The following HMGN5 variants were observed in gnomAD, a reference collection of about 807,000 sequenced individuals.
HMGN5 encodes the protein high mobility group nucleosome binding domain 5.
In HMGN5, 4 loss-of-function variants were observed where a neutral mutation model predicts 9.5. That is an observed-to-expected ratio of 0.42 (90% CI 0.21 to 0.96). The LOEUF (loss-of-function observed/expected upper bound fraction) is 0.96, where lower values mean the gene tolerates loss of function less well. Among genes scored for constraint, HMGN5 ranks in the 40% least tolerant of loss-of-function variants. The pLI is 0.30. For missense variants in HMGN5, 192 were observed against 187.5 expected (o/e 1.02, Z -0.14); for synonymous variants, 55 against 57.1 (o/e 0.96, Z 0.16).
At chrX:81,179,916 G>C (rs1219632845) in intron 1 of HMGN5, among the ~76,000 whole-genome samples, 2 of 111,508 alleles carry the variant, frequency 1.8e-5, no homozygotes, top group Non-Finnish European at 3.8e-5. Context: ...ACAACCATCT[G>C]ATCTTTGACA....
At chrX:81,119,127 C>T (rs2075262004) in intron 3 of HMGN5, among the ~76,000 whole-genome samples, 1 of 111,330 alleles carries the variant, frequency 9.0e-6, no homozygotes, top group Admixed American at 9.5e-5. Flanking sequence ...GTCTTAAATT[C>T]GAAGAAGCTT....
intron 1 of HMGN5, among the ~76,000 whole-genome samples, chrX:81,167,846 G>A (rs948373651): frequency 6.3e-5 from 7 of 111,613 alleles, no homozygotes; most frequent in Non-Finnish European, 1.1e-4. Context: ...TATTAAAAAA[G>A]AAAAGACCCT....
chrX:81,147,318 C>T (rs1275236498), intron 1 of HMGN5, among the ~76,000 whole-genome samples: 1 of 111,589 alleles, frequency 9.0e-6, no homozygotes, highest in Non-Finnish European at 1.9e-5. Context: ...TGGCTTCATC[C>T]CTGGGAGGCA....
At chrX:81,124,127 C>T (rs1481294680) in intron 1 of HMGN5, among the ~76,000 whole-genome samples, 1 of 112,085 alleles carries the variant, frequency 8.9e-6, no homozygotes, top group African/African-American at 3.2e-5. Context: ...GTTTTTTCTT[C>T]TTGAAGGCTA....
In HMGN5 at chrX:81,135,717, G is replaced by A. The variant is rs987158573; in HGVS notation, c.-123-14045C>T. Reference sequence around the variant, plus strand: ...GGGGGAATGAAGAGTAACTGCTAATGGATATGGGATTTATTTCTAGAGGGA... The same window carrying A: ...GGGGGAATGAAGAGTAACTGCTAATAGATATGGGATTTATTTCTAGAGGGA... On this transcript the variant is annotated intron_variant, in intron 1 of 6. Transcript: ENST00000358130. 1.2e-4 allele frequency among the ~76,000 whole-genome samples: 13 copies of A among 110,443 alleles called. No individual in the cohort carries two copies. The Admixed American group carries it at 1.3e-3, about 11-fold the overall frequency.
intron 1 of HMGN5, among the ~76,000 whole-genome samples, chrX:81,142,556 G>C (rs1445805913): frequency 9.0e-6 from 1 of 111,509 alleles, no homozygotes; most frequent in Non-Finnish European, 1.9e-5. Flanking sequence ...CATGCCAGGA[G>C]AGATTGACAT....
At chrX:81,132,489 A>C (rs1035003974) in intron 1 of HMGN5, among the ~76,000 whole-genome samples, 1 of 111,774 alleles carries the variant, frequency 8.9e-6, no homozygotes, top group African/African-American at 3.2e-5. Flanking sequence ...ACCAAACAGC[A>C]TGGTACTGGC....
intron 1 of HMGN5, among the ~76,000 whole-genome samples, chrX:81,137,121 T>C (rs190384467): frequency 1.8e-5 from 2 of 111,455 alleles, no homozygotes; most frequent in Admixed American, 1.9e-4. Context: ...GCTATACTTG[T>C]GGATCTGTAT....
rs146765985 is a variant in HMGN5, at chrX:81,164,996, A to T, written c.-124+36741T>A. ...GTGTCTGGCATATGAGAGGTGCTTA[A>T]TGTGAAATTTTATTGAATGATTAAA... is the stretch of plus-strand genomic sequence containing the variant. On this transcript the variant is annotated intron_variant, in intron 1 of 6. Coordinates refer to ENST00000358130, the MANE Select transcript of HMGN5 (RefSeq NM_030763.3). Among the ~76,000 whole-genome samples the T allele has an allele frequency of 3.2e-3, 353 of 111,502 alleles. 3 individuals carry two copies. Among genetic ancestry groups the T allele is most frequent in the African/African-American group, 0.01 (322 of 30,728 alleles).
chrX:81,176,835 G>C (rs975571955), intron 1 of HMGN5, among the ~76,000 whole-genome samples: 1 of 111,635 alleles, frequency 9.0e-6, no homozygotes, highest in African/African-American at 3.3e-5. Flanking sequence ...CAGGGAGAAT[G>C]GGACCAAGTT....
Position 81,153,623 on chromosome X carries a change from A to C in HMGN5, c.-123-31951T>G, listed in dbSNP as rs1169929248. Among the ~76,000 whole-genome samples, 15 of 48,557 alleles carry C rather than the reference A, an allele frequency of 3.1e-4. 1 individual carries two copies. Among genetic ancestry groups the C allele is most frequent in the South Asian group, 2.9e-3 (2 of 694 alleles). The allele number at this position is 48,557 out of a possible 115,157, so 42.2% of individuals were successfully genotyped here. On this transcript the variant is annotated intron_variant, in intron 1 of 6. Transcript: ENST00000358130. Reference sequence around the variant, plus strand: ...TATATATATATATATATATATATATATATATATATATATATATGTATCTCC... The same window carrying C: ...TATATATATATATATATATATATATCTATATATATATATATATGTATCTCC...
intron 1 of HMGN5, among the ~76,000 whole-genome samples, chrX:81,131,369 T>C (rs1395561017): frequency 3.6e-5 from 4 of 111,541 alleles, no homozygotes; most frequent in Non-Finnish European, 5.7e-5. Flanking sequence ...TTCGTTTTTC[T>C]TTCTTGACTA....
intron 1 of HMGN5, among the ~76,000 whole-genome samples, chrX:81,130,050 G>A (rs978370563): frequency 1.8e-5 from 2 of 111,618 alleles, no homozygotes; most frequent in Non-Finnish European, 1.9e-5. Flanking sequence ...CACCAGGAAA[G>A]TATGAATTAG....
intron 1 of HMGN5, among the ~76,000 whole-genome samples, chrX:81,169,026 T>A (rs780453588): frequency 9.1e-4 from 102 of 111,484 alleles, no homozygotes; most frequent in African/African-American, 3.3e-3. Flanking sequence ...TGGACAGTGG[T>A]CTTTGAACAT....
chrX:81,168,061 A>G (rs1358468612), intron 1 of HMGN5, among the ~76,000 whole-genome samples: 3 of 112,254 alleles, frequency 2.7e-5, no homozygotes, highest in African/African-American at 9.7e-5. Flanking sequence ...TTGTGGGAGC[A>G]GACTCTTGGA....
chrX:81,139,019 C>T (rs2147552224), intron 1 of HMGN5, among the ~76,000 whole-genome samples: 1 of 111,727 alleles, frequency 9.0e-6, no homozygotes, highest in South Asian at 3.7e-4. Flanking sequence ...ATGAAAAACT[C>T]AGTATATAAA....
intron 1 of HMGN5, among the ~76,000 whole-genome samples, chrX:81,134,102 G>C (rs1216570740): frequency 9.0e-6 from 1 of 111,347 alleles, no homozygotes; most frequent in East Asian, 2.8e-4. Flanking sequence ...CAAAAAAAGA[G>C]TGACACTAGA....
intron 1 of HMGN5, among the ~76,000 whole-genome samples, chrX:81,147,241 T>C (rs1274243970): frequency 1.8e-5 from 2 of 111,137 alleles, no homozygotes; most frequent in Non-Finnish European, 1.9e-5. Context: ...AATGCAAAAA[T>C]CCTCAATAAA....
At chrX:81,156,996 T>C (rs1367113426) in intron 1 of HMGN5, among the ~76,000 whole-genome samples, 1 of 111,861 alleles carries the variant, frequency 8.9e-6, no homozygotes, top group Non-Finnish European at 1.9e-5. Flanking sequence ...CATGAGAACC[T>C]CCATGAATTT....
Sources: gnomAD v4.1 joint callset for allele counts (sites outside exome capture counted in the v4.1 genomes callset) on GRCh38, gnomAD v4.1.1 for gene constraint, MANE v1.5 for transcripts, NCBI Gene and HGNC (gene_info 2026-07-23, HGNC 2026-07-21) for gene names.